Variants in PRKCA observed in about 807,000 individuals in gnomAD.
The protein encoded by PRKCA is protein kinase C alpha type.
Under a neutral mutation model 87.0 loss-of-function variants are expected in PRKCA, and 27 were observed. The ratio of observed to expected loss-of-function variants is 0.31; its 90% CI spans 0.23 to 0.43. The LOEUF is 0.43. PRKCA is among the 20% of genes least tolerant of loss of function. The probability of loss-of-function intolerance (pLI) is 1.00; values close to 1 mark genes in which losing one functional copy is unlikely to be tolerated. For missense variants in PRKCA, 518 were observed against 852.3 expected (o/e 0.61, Z 4.88); for synonymous variants, 329 against 311.1 (o/e 1.06, Z -0.61).
chr17:66,611,903 G>C (rs923294271), intron 3 of PRKCA, among the ~76,000 whole-genome samples: 1 of 152,012 alleles, frequency 6.6e-6, no homozygotes, highest in African/African-American at 2.4e-5. Flanking sequence ...TTTGATTTGC[G>C]TTTCCCTATG....
At position 66,373,796 on chromosome 17, in the gene PRKCA, G is replaced by C. The variant is rs184481005; in HGVS notation, c.205+67669G>C. ...CACGATCACTTTCATCCTAAAATCGGGTAGATTACCTCTGCGTTTGTAACA... is the reference window on the plus strand; with the variant it reads ...CACGATCACTTTCATCCTAAAATCGCGTAGATTACCTCTGCGTTTGTAACA... On this transcript the variant is annotated intron_variant, in intron 2 of 16. Coordinates refer to ENST00000413366, the MANE Select transcript of PRKCA (RefSeq NM_002737.3). 1.8e-4 allele frequency among the ~76,000 whole-genome samples: 27 copies of C among 152,176 alleles called. No individual in the cohort carries two copies. The East Asian group carries it at 3.7e-3, about 21-fold the overall frequency.
intron 3 of PRKCA, among the ~76,000 whole-genome samples, chr17:66,588,975 T>A (rs1397308706): frequency 6.6e-6 from 1 of 152,226 alleles, no homozygotes; most frequent in Non-Finnish European, 1.5e-5. Context: ...CTTTAGGGAC[T>A]TGCCTTTGTT....
chr17:66,421,428 G>GT (rs55825622), intron 2 of PRKCA, among the ~76,000 whole-genome samples: 6,611 of 116,796 alleles, frequency 0.057, 232 homozygotes, highest in African/African-American at 0.094. Context: ...CACAGCCTCT[G>GT]TTTTTTTTTT....
intron 8 of PRKCA, among the ~76,000 whole-genome samples, chr17:66,709,129 C>T (rs1226259325): frequency 6.6e-6 from 1 of 151,970 alleles, no homozygotes; most frequent in Non-Finnish European, 1.5e-5. Context: ...TGTGATGACC[C>T]ATTCAGGCTG....
rs145683903 is a variant in PRKCA, at chr17:66,785,218, G to A, written c.1606-1649G>A. On this transcript the variant is annotated intron_variant, in intron 14 of 16. Coordinates refer to ENST00000413366, the MANE Select transcript of PRKCA (RefSeq NM_002737.3). Reference sequence around the variant, plus strand: ...AGGGGACTGAGGTCAGGTCTCGGGTGTTGGATGAACAGGTTGAGGTGATTT... The same window carrying A: ...AGGGGACTGAGGTCAGGTCTCGGGTATTGGATGAACAGGTTGAGGTGATTT... 1.4e-4 allele frequency among the ~76,000 whole-genome samples: 21 copies of A among 152,252 alleles called. No individual in the cohort carries two copies. The East Asian group carries it at 4.1e-3, about 29-fold the overall frequency.
intron 14 of PRKCA, among the ~76,000 whole-genome samples, chr17:66,784,272 G>GTC (rs1975321672): frequency 1.3e-5 from 2 of 152,046 alleles, no homozygotes; most frequent in South Asian, 4.1e-4. Context: ...TGGAAACAGA[G>GTC]TCTTGCTCTG....
chr17:66,451,139 G>A (rs1381047744), intron 2 of PRKCA, among the ~76,000 whole-genome samples: 1 of 152,152 alleles, frequency 6.6e-6, no homozygotes, highest in African/African-American at 2.4e-5. Context: ...AATTTAAAAT[G>A]ATGAAATTTA....
At chr17:66,565,902 C>A (rs185592203) in intron 3 of PRKCA, among the ~76,000 whole-genome samples, 1 of 152,156 alleles carries the variant, frequency 6.6e-6, no homozygotes, top group East Asian at 1.9e-4. Flanking sequence ...CCCGGGAAAT[C>A]AAAGTTGACT....
chr17:66,773,846 C>A, intron 13 of PRKCA, 141 bp from the exon 14 acceptor site: 1 of 1,392,894 alleles, frequency 7.2e-7, no homozygotes, highest in Non-Finnish European at 9.8e-7. Context: ...GTCCTCTTCC[C>A]TTGGCGTAAC....
chr17:66,725,810 G>GA (rs34462337), intron 8 of PRKCA, among the ~76,000 whole-genome samples: 20,816 of 142,600 alleles, frequency 0.15, 1,741 homozygotes, highest in South Asian at 0.27. Flanking sequence ...ACCCTGTCTA[G>GA]AAAAAAAAAA....
At position 66,804,370 on chromosome 17, in the gene PRKCA, A is replaced by C; in HGVS notation, c.*333A>C. ...ATTTGATATACTTTCCATACCCTCC[A>C]TCTGTGGATTTTTCAGCATTGGAAT... On this transcript the variant is annotated 3_prime_UTR_variant, in exon 17 of 17. Coordinates refer to ENST00000413366, the MANE Select transcript of PRKCA (RefSeq NM_002737.3). The C allele has an allele frequency of 5.3e-6, 1 of 188,346 alleles. No homozygotes were observed. The highest frequency in any genetic ancestry group is 2.3e-5 in the African/African-American group (1 of 42,860). The allele number at this position is 188,346 out of a possible 1,614,324, so 11.7% of individuals were successfully genotyped here.
At chr17:66,511,068 T>TTTG (rs1555612572) in intron 3 of PRKCA, among the ~76,000 whole-genome samples, 9 of 151,920 alleles carry the variant, frequency 5.9e-5, no homozygotes, top group African/African-American at 2.2e-4. Context: ...GCATTTTTTT[T>TTTG]CGTGTCATAA....
intron 2 of PRKCA, among the ~76,000 whole-genome samples, chr17:66,474,019 A>G (rs1187294742): frequency 6.6e-6 from 1 of 152,188 alleles, no homozygotes; most frequent in Non-Finnish European, 1.5e-5. Flanking sequence ...TGACTTTGCA[A>G]TTTACTACTT....
intron 2 of PRKCA, among the ~76,000 whole-genome samples, chr17:66,480,063 A>G (rs1750621657): frequency 6.6e-6 from 1 of 151,720 alleles, no homozygotes; most frequent in African/African-American, 2.4e-5. Flanking sequence ...TTATTTTTAA[A>G]TTCATTTTGT....
intron 3 of PRKCA, among the ~76,000 whole-genome samples, chr17:66,611,297 A>G (rs1299638711): frequency 6.6e-6 from 1 of 152,192 alleles, no homozygotes; most frequent in Admixed American, 6.5e-5. Context: ...ATTTTAGGAT[A>G]TATTCATCAC....
At chr17:66,698,754 A>C (rs906219924) in intron 8 of PRKCA, among the ~76,000 whole-genome samples, 1 of 150,974 alleles carries the variant, frequency 6.6e-6, no homozygotes, top group African/African-American at 2.4e-5. Context: ...CAGGTGGATC[A>C]CTTGAGGCCA....
Position 66,803,901 on chromosome 17 carries a change from A to C in PRKCA, c.1883A>C (p.Lys628Thr), listed in dbSNP as rs1598021084. 6.2e-7 allele frequency: 1 copy of C among 1,613,886 alleles called. No individual in the cohort carries two copies. The highest frequency in any genetic ancestry group is 8.5e-7 in the Non-Finnish European group (1 of 1,179,864). The change falls in exon 17 of 17, where the codon AAG becomes ACG. Residue 628 changes from lysine to threonine, a missense_variant. Physicochemically the swap from Lys to Thr is moderately conservative, Grantham distance 78 (BLOSUM62 -1). Around this residue, in one of 5 missense-constraint regions of PRKCA, gnomAD observed 159 missense variants for 232.4 expected, o/e 0.68. Coordinates refer to ENST00000413366, the MANE Select transcript of PRKCA (RefSeq NM_002737.3). The surrounding 1 kb of genome is among the most constrained non-coding windows in gnomAD (Gnocchi z 4.4). ...VCGKGAENFD[K>T]FFTRGQPVLT... ...GGCAAAGGAGCAGAGAACTTTGACAAGTTCTTCACACGAGGACAGCCCGTC... is the reference window on the plus strand; with the variant it reads ...GGCAAAGGAGCAGAGAACTTTGACACGTTCTTCACACGAGGACAGCCCGTC...
intron 2 of PRKCA, among the ~76,000 whole-genome samples, chr17:66,488,055 A>G (rs1443292893): frequency 1.3e-5 from 2 of 152,134 alleles, no homozygotes; most frequent in African/African-American, 4.8e-5. Flanking sequence ...CCCTGTTTAA[A>G]CAACATGAAG....
chr17:66,739,504 T>G (rs2144226646), intron 11 of PRKCA, among the ~76,000 whole-genome samples: 1 of 152,300 alleles, frequency 6.6e-6, no homozygotes, highest in South Asian at 2.1e-4. Context: ...AGAGGGAGTT[T>G]ACACTCCACC....
Sources: gnomAD v4.1 joint callset for allele counts (sites outside exome capture counted in the v4.1 genomes callset) on GRCh38, gnomAD v4.1.1 for gene constraint, gnomAD v4.1.1 regional missense constraint, Gnocchi (gnomAD v3.1) non-coding constraint, MANE v1.5 for transcripts, NCBI Gene and HGNC (gene_info 2026-07-23, HGNC 2026-07-21) for gene names.